The following RXRA variants were observed in gnomAD, a reference collection of about 807,000 sequenced individuals.
The protein encoded by RXRA is retinoic acid receptor RXR-alpha.
RXRA carries 5 observed loss-of-function variants against 44.5 expected under a neutral mutation model. The observed-to-expected ratio is 0.11, with a 90% CI of 0.06 to 0.24. RXRA has a LOEUF of 0.24. Among genes scored for constraint, RXRA ranks in the 10% least tolerant of loss-of-function variants. The probability of loss-of-function intolerance (pLI) is 1.00; values close to 1 mark genes in which losing one functional copy is unlikely to be tolerated. For missense variants in RXRA, 412 were observed against 646.5 expected, an observed-to-expected ratio of 0.64 and a Z score of 3.93; for synonymous variants, 291 against 271.4, an observed-to-expected ratio of 1.07 and a Z score of -0.71.
In RXRA at chr9:134,408,275, G is replaced by T. The variant is rs1414965765; in HGVS notation, c.406G>T (p.Ala136Ser). ...NMASFTKHIC[A>S]ICGDRSSGKH... is the part of the protein sequence containing the mutation. ...GGCTTCCTTCACCAAGCACATCTGCGCCATCTGCGGGGACCGCTCCTCAGG... is the reference window on the plus strand; with the variant it reads ...GGCTTCCTTCACCAAGCACATCTGCTCCATCTGCGGGGACCGCTCCTCAGG... The change falls in exon 3 of 10, where the codon GCC becomes TCC. Residue 136 changes from alanine (A) to serine (S), a missense_variant. By Grantham distance (99) the Ala-to-Ser change is moderately conservative (BLOSUM62 1). Transcript: ENST00000481739. The T allele has an allele frequency of 4.3e-6, 7 of 1,609,828 alleles. No homozygotes were observed. In the Middle Eastern group the frequency reaches 6.6e-4, roughly 152 times the overall value.
At chr9:134,427,040 T>C in intron 6 of RXRA, 1 of 981,802 alleles carries the variant, frequency 1.0e-6, no homozygotes, top group Non-Finnish European at 1.2e-6. Context: ...CCTGTCCAAG[T>C]CTCTGTGTGA....
intron 1 of RXRA, among the ~76,000 whole-genome samples, chr9:134,375,201 C>G (rs1044851970): frequency 6.6e-6 from 1 of 152,182 alleles, no homozygotes; most frequent in Non-Finnish European, 1.5e-5. Context: ...ATGTTCAAGG[C>G]TAGAGGCGAG....
Position 134,417,348 on chromosome 9 carries a change from G to A in RXRA, c.780+21G>A. 6.2e-7 allele frequency: 1 copy of A among 1,608,498 alleles called. No homozygotes were observed. The highest frequency in any genetic ancestry group is 8.5e-7 in the Non-Finnish European group (1 of 1,176,218). Reference sequence around the variant, plus strand: ...GCTCGGTGAGTTGCAGCCTGTGCAGGGGTGGGCAGCCTCACATGCCTCAGT... The same window carrying A: ...GCTCGGTGAGTTGCAGCCTGTGCAGAGGTGGGCAGCCTCACATGCCTCAGT... On this transcript the variant is annotated intron_variant, in intron 5 of 9. Transcript: ENST00000481739. The surrounding 1 kb of genome is among the most constrained non-coding windows in gnomAD (Gnocchi z 6.1).
chr9:134,420,393 G>A (rs1214114353), intron 5 of RXRA, among the ~76,000 whole-genome samples: 1 of 152,210 alleles, frequency 6.6e-6, no homozygotes, highest in Non-Finnish European at 1.5e-5. Flanking sequence ...GTTTGTGGAG[G>A]AATGAGTGAG....
intron 1 of RXRA, among the ~76,000 whole-genome samples, chr9:134,364,258 C>G (rs753278218): frequency 7.9e-5 from 12 of 152,226 alleles, no homozygotes; most frequent in Non-Finnish European, 1.3e-4. Flanking sequence ...GCGGTGGGAG[C>G]TTGTGCTGGG....
intron 1 of RXRA, among the ~76,000 whole-genome samples, chr9:134,397,633 G>T (rs1399217115): frequency 2.0e-5 from 3 of 152,230 alleles, no homozygotes; most frequent in Non-Finnish European, 4.4e-5. Context: ...AGCCCTGGAG[G>T]TCCCTGAGTT....
At chr9:134,338,735 C>T (rs1830044012) in intron 1 of RXRA, among the ~76,000 whole-genome samples, 1 of 152,230 alleles carries the variant, frequency 6.6e-6, no homozygotes, top group Non-Finnish European at 1.5e-5. Context: ...CTGCAGCCGG[C>T]ACCCCAGCCT....
chr9:134,399,674 A>C (rs112410057), intron 1 of RXRA, among the ~76,000 whole-genome samples: 4 of 152,340 alleles, frequency 2.6e-5, no homozygotes, highest in African/African-American at 9.6e-5. Flanking sequence ...TGGTTCTGGA[A>C]TTCCTTAAGT....
intron 1 of RXRA, among the ~76,000 whole-genome samples, chr9:134,339,417 TGA>T (rs1363722447): frequency 3.3e-5 from 5 of 152,024 alleles, no homozygotes; most frequent in South Asian, 2.1e-4. Flanking sequence ...AGCCTGTGTG[TGA>T]GAGTGTGTGG....
At chr9:134,415,251 G>T (rs1414327492) in intron 4 of RXRA, among the ~76,000 whole-genome samples, 1 of 152,204 alleles carries the variant, frequency 6.6e-6, no homozygotes, top group Non-Finnish European at 1.5e-5. Context: ...GGCTGTTACA[G>T]AGCTGTGGCG....
At chr9:134,356,724 C>T (rs965943751) in intron 1 of RXRA, among the ~76,000 whole-genome samples, 1 of 152,240 alleles carries the variant, frequency 6.6e-6, no homozygotes, top group Non-Finnish European at 1.5e-5. Flanking sequence ...CGAGTGTTCT[C>T]ACCGTTGTCC....
chr9:134,404,132 C>T (rs1831009916), intron 2 of RXRA: 1 of 152,266 alleles, frequency 6.6e-6, no homozygotes, highest in African/African-American at 2.4e-5. Context: ...AGCCCCAAAA[C>T]CACAACCGCA....
At chr9:134,360,467 C>T (rs1171941980) in intron 1 of RXRA, among the ~76,000 whole-genome samples, 5 of 152,192 alleles carry the variant, frequency 3.3e-5, no homozygotes, top group East Asian at 1.9e-4. Flanking sequence ...CTGGTCCCGC[C>T]GCCTGCAGCC....
At chr9:134,396,299 C>T (rs1830877785) in intron 1 of RXRA, among the ~76,000 whole-genome samples, 1 of 152,164 alleles carries the variant, frequency 6.6e-6, no homozygotes, top group South Asian at 2.1e-4. Flanking sequence ...CACTTCCTTC[C>T]TCTTCCTCCT....
At position 134,426,537 on chromosome 9, in the gene RXRA, G is replaced by T; in HGVS notation, c.911-2571G>T. On this transcript the variant is annotated intron_variant, in intron 6 of 9. Coordinates refer to ENST00000481739, the MANE Select transcript of RXRA (RefSeq NM_002957.6). The surrounding 1 kb of genome is among the most constrained non-coding windows in gnomAD (Gnocchi z 4.6). ...AGAGAGACTCCGCACTGTTCTGTCC[G>T]TGTGTCTGGGCTCCTGACCTGTATC... 5.1e-6 allele frequency: 5 copies of T among 985,458 alleles called. No individual in the cohort carries two copies. Among genetic ancestry groups the T allele is most frequent in the Non-Finnish European group, 6.0e-6 (5 of 829,932 alleles). 61.0% of individuals were successfully genotyped at this position (985,458 alleles called of 1,614,324 possible).
chr9:134,338,279 G>T (rs1830036947), intron 1 of RXRA, among the ~76,000 whole-genome samples: 2 of 152,236 alleles, frequency 1.3e-5, no homozygotes, highest in Admixed American at 1.3e-4. Flanking sequence ...ACCCCTGCTG[G>T]CTCATTCTTG....
At chr9:134,434,879 A>G (rs1342654801) in intron 9 of RXRA, among the ~76,000 whole-genome samples, 312 of 129,934 alleles carry the variant, frequency 2.4e-3, no homozygotes, top group African/African-American at 9.0e-3. Context: ...GGGTCGGGGG[A>G]GGTGGGGCCC....
chr9:134,409,271 C>T (rs760999005), intron 4 of RXRA, 152 bp downstream of exon 4: 45 of 751,352 alleles, frequency 6.0e-5, no homozygotes, highest in South Asian at 1.2e-4. Flanking sequence ...CGGGGCCCAG[C>T]GCGTGGGCAC....
At chr9:134,425,495 G>T in intron 6 of RXRA, 1 of 983,220 alleles carries the variant, frequency 1.0e-6, no homozygotes, top group Non-Finnish European at 1.2e-6. Context: ...TGCTCCAGCG[G>T]GGTCGTCTGA....
Sources: gnomAD v4.1 joint callset for allele counts (sites outside exome capture counted in the v4.1 genomes callset) on GRCh38, gnomAD v4.1.1 for gene constraint, Gnocchi (gnomAD v3.1) non-coding constraint, MANE v1.5 for transcripts, NCBI Gene and HGNC (gene_info 2026-07-23, HGNC 2026-07-21) for gene names.